Variants in RAD51B observed in about 807,000 individuals in gnomAD.
RAD51B encodes DNA repair protein RAD51 homolog 2.
In RAD51B, 38 loss-of-function variants were observed where a neutral mutation model predicts 42.2. The observed-to-expected ratio is 0.90, with a 90% confidence interval of 0.70 to 1.18. The LOEUF (loss-of-function observed/expected upper bound fraction) is 1.18, where lower values mean the gene tolerates loss of function less well. RAD51B is among the 50% of genes most tolerant of loss of function. The pLI, the probability that RAD51B is intolerant of heterozygous loss-of-function variation, is 0.00. For missense variants in RAD51B, 373 were observed against 400.7 expected (o/e 0.93, Z 0.59); for synonymous variants, 154 against 145.2 (o/e 1.06, Z -0.43).
intron 10 of RAD51B, among the ~76,000 whole-genome samples, chr14:68,526,757 A>G (rs1886959228): frequency 6.6e-6 from 1 of 152,178 alleles, no homozygotes; most frequent in East Asian, 1.9e-4. Context: ...TGCATGGCCC[A>G]CCAAGAGCCT....
chr14:67,929,134 T>C (rs1358553441), intron 7 of RAD51B, among the ~76,000 whole-genome samples: 1 of 152,122 alleles, frequency 6.6e-6, no homozygotes, highest in African/African-American at 2.4e-5. Context: ...CTGCTAATTT[T>C]TGGTTTTCTT....
chr14:68,531,498 G>A (rs1887303328), intron 10 of RAD51B, among the ~76,000 whole-genome samples: 1 of 151,992 alleles, frequency 6.6e-6, no homozygotes, highest in South Asian at 2.1e-4. Flanking sequence ...ATGTTAATAG[G>A]GATAGAGAGA....
chr14:67,893,722 C>T (rs1455867224), intron 7 of RAD51B, among the ~76,000 whole-genome samples: 4 of 151,756 alleles, frequency 2.6e-5, no homozygotes, highest in South Asian at 2.1e-4. Flanking sequence ...GAGAGTAGGG[C>T]GGGTTTTATG....
chr14:67,936,888 A>G (rs1431607078), intron 7 of RAD51B, among the ~76,000 whole-genome samples: 1 of 152,164 alleles, frequency 6.6e-6, no homozygotes, highest in Admixed American at 6.6e-5. Context: ...TTTTGGAGAA[A>G]GTCTATTTAA....
At chr14:67,909,123 A>T (rs555061058) in intron 7 of RAD51B, among the ~76,000 whole-genome samples, 13 of 152,330 alleles carry the variant, frequency 8.5e-5, no homozygotes, top group Admixed American at 6.5e-5. Context: ...CCCCCTAAAC[A>T]AAAGCTCTTT....
chr14:68,246,816 G>T (rs975234137), intron 7 of RAD51B, among the ~76,000 whole-genome samples: 1 of 152,036 alleles, frequency 6.6e-6, no homozygotes, highest in African/African-American at 2.4e-5. Flanking sequence ...TGGAAGTAAA[G>T]TCTTTCTTTG....
At chr14:68,175,314 G>A (rs2140868948) in intron 7 of RAD51B, among the ~76,000 whole-genome samples, 1 of 152,302 alleles carries the variant, frequency 6.6e-6, no homozygotes, top group East Asian at 1.9e-4. Context: ...CAGTATTTGA[G>A]TTTCATCAGT....
intron 7 of RAD51B, among the ~76,000 whole-genome samples, chr14:67,920,387 T>C (rs1263486318): frequency 2.0e-5 from 3 of 152,166 alleles, no homozygotes; most frequent in Non-Finnish European, 4.4e-5. Context: ...TAGTTATAAA[T>C]CTATTTCATC....
At chr14:68,147,577 C>T (rs1401201750) in intron 7 of RAD51B, among the ~76,000 whole-genome samples, 7 of 152,128 alleles carry the variant, frequency 4.6e-5, no homozygotes, top group Admixed American at 1.3e-4. Context: ...TTATTTATCC[C>T]TTGTAATCTG....
At chr14:68,188,665 AGG>A (rs2079204681) in intron 7 of RAD51B, among the ~76,000 whole-genome samples, 1 of 152,204 alleles carries the variant, frequency 6.6e-6, no homozygotes. Context: ...TGGAATTTAG[AGG>A]TGATGCTCCT....
intron 7 of RAD51B, among the ~76,000 whole-genome samples, chr14:68,227,990 T>C (rs1464665009): frequency 6.6e-6 from 1 of 152,224 alleles, no homozygotes; most frequent in Non-Finnish European, 1.5e-5. Context: ...AGCACTGTGC[T>C]AAATGTTTTG....
At chr14:68,186,579 G>A (rs757432729) in intron 7 of RAD51B, among the ~76,000 whole-genome samples, 25 of 152,132 alleles carry the variant, frequency 1.6e-4, no homozygotes, top group Non-Finnish European at 3.2e-4. Flanking sequence ...CTTCTCAAAA[G>A]AAGACATACA....
intron 10 of RAD51B, among the ~76,000 whole-genome samples, chr14:68,558,870 A>G (rs1888995645): frequency 6.6e-6 from 1 of 152,148 alleles, no homozygotes. Flanking sequence ...AATTCAGTCC[A>G]CCATGGGAGA....
chr14:68,370,274 A>T (rs1941633703), intron 8 of RAD51B, among the ~76,000 whole-genome samples: 1 of 152,236 alleles, frequency 6.6e-6, no homozygotes, highest in Non-Finnish European at 1.5e-5. Flanking sequence ...CATTTAGAAG[A>T]CATGTTTAAA....
At chr14:68,631,091 A>G (rs575988656) in intron 10 of RAD51B, among the ~76,000 whole-genome samples, 17 of 152,322 alleles carry the variant, frequency 1.1e-4, no homozygotes, top group African/African-American at 3.6e-4. Flanking sequence ...CCTCAATCAA[A>G]TGCTCACTGG....
chr14:67,932,464 G>C (rs995894381), intron 7 of RAD51B, among the ~76,000 whole-genome samples: 4 of 152,126 alleles, frequency 2.6e-5, no homozygotes, highest in African/African-American at 4.8e-5. Flanking sequence ...GATCATACTT[G>C]TTCTTAGGCC....
intron 8 of RAD51B, among the ~76,000 whole-genome samples, chr14:68,376,788 A>G (rs1027112328): frequency 2.0e-5 from 3 of 152,226 alleles, no homozygotes; most frequent in African/African-American, 7.2e-5. Flanking sequence ...GGCAGTTTAC[A>G]TAGGCAATGG....
intron 7 of RAD51B, among the ~76,000 whole-genome samples, chr14:68,110,451 A>G (rs2077442646): frequency 6.6e-6 from 1 of 152,032 alleles, no homozygotes; most frequent in African/African-American, 2.4e-5. Context: ...CTTGGTTGAA[A>G]GGAAAAGAGG....
intron 7 of RAD51B, among the ~76,000 whole-genome samples, chr14:67,916,758 G>A (rs2044163919): frequency 6.6e-6 from 1 of 152,126 alleles, no homozygotes; most frequent in African/African-American, 2.4e-5. Flanking sequence ...CTTCCTTCAT[G>A]TATAAAGTAG....
Sources: gnomAD v4.1 joint callset for allele counts (sites outside exome capture counted in the v4.1 genomes callset) on GRCh38, gnomAD v4.1.1 for gene constraint, MANE v1.5 for transcripts, NCBI Gene and HGNC (gene_info 2026-07-23, HGNC 2026-07-21) for gene names.